CLYBL: variants seen among roughly 807,000 people sequenced by gnomAD.
The protein encoded by CLYBL is citramalyl-CoA lyase.
In CLYBL, 31 loss-of-function variants were observed where a neutral mutation model predicts 38.9. The observed-to-expected ratio is 0.80, with a 90% CI of 0.60 to 1.08. The LOEUF is 1.08. Ranked by LOEUF, CLYBL falls within the 50% of genes least tolerant of loss-of-function variation. The probability of loss-of-function intolerance (pLI) is 0.00; values close to 1 mark genes in which losing one functional copy is unlikely to be tolerated. For synonymous variants in CLYBL, 171 were observed against 158.6 expected (o/e 1.08, Z -0.59); for missense variants, 434 against 411.6 (o/e 1.05, Z -0.47).
chr13:99,624,045 G>A (rs553945009), intron 1 of CLYBL, among the ~76,000 whole-genome samples: 31 of 152,150 alleles, frequency 2.0e-4, no homozygotes, highest in African/African-American at 7.5e-4. Context: ...ATAAACAGTG[G>A]ATGTAAAAAG....
intron 2 of CLYBL, among the ~76,000 whole-genome samples, chr13:99,820,249 A>G (rs1402535079): frequency 6.6e-6 from 1 of 152,190 alleles, no homozygotes. Flanking sequence ...AACATTGCAC[A>G]CGGTCCGCCC....
chr13:99,821,216 T>C lies in CLYBL; in HGVS notation c.250-37645T>C, dbSNP rs117294737. ...GAATACAGGCTCCCACTATCCAAAC[T>C]TACCATTTTCAGGAATGGGTTAGAT... is the stretch of plus-strand genomic sequence containing the variant. On this transcript the variant is annotated intron_variant, in intron 2 of 8. Transcript: ENST00000339105. 3.1e-4 allele frequency among the ~76,000 whole-genome samples: 47 copies of C among 152,264 alleles called. 1 individual carries two copies. In the East Asian group the frequency reaches 9.1e-3, roughly 29 times the overall value.
At chr13:99,765,937 G>C (rs929019894) in intron 1 of CLYBL, among the ~76,000 whole-genome samples, 4 of 148,936 alleles carry the variant, frequency 2.7e-5, no homozygotes, top group East Asian at 2.0e-4. Flanking sequence ...CTGCAGTCTC[G>C]AACTCCTGGG....
At chr13:99,615,791 TA>T (rs2046699515) in intron 1 of CLYBL, among the ~76,000 whole-genome samples, 1 of 152,162 alleles carries the variant, frequency 6.6e-6, no homozygotes, top group Non-Finnish European at 1.5e-5. Flanking sequence ...CTCCCTACCA[TA>T]AACCAGGTTT....
chr13:99,858,992 G>A lies in CLYBL; in HGVS notation c.381G>A (p.Arg127=). The change falls in exon 3 of 9, where the codon CGG becomes CGA. Residue 127 remains arginine, a synonymous_variant. Coordinates refer to ENST00000339105, the MANE Select transcript of CLYBL (RefSeq NM_206808.5). ...EEDLETLLQS[R]VLPSSLMLPK... ...ACCTAGAGACCCTTTTGCAATCCCG[G>A]GTCCTTCCTTCCAGCCTGATGCTAC... 6.2e-7 allele frequency: 1 copy of A among 1,614,046 alleles called. No homozygotes were observed. The highest frequency in any genetic ancestry group is 8.5e-7 in the Non-Finnish European group (1 of 1,179,994).
chr13:99,764,247 G>A (rs2138750136), intron 1 of CLYBL, among the ~76,000 whole-genome samples: 1 of 151,618 alleles, frequency 6.6e-6, no homozygotes, highest in South Asian at 2.1e-4. Flanking sequence ...TTTCTTTTGG[G>A]TAGAGACATG....
chr13:99,609,062 T>C (rs939756198), intron 1 of CLYBL, among the ~76,000 whole-genome samples: 1 of 151,656 alleles, frequency 6.6e-6, no homozygotes, highest in African/African-American at 2.4e-5. Flanking sequence ...TTTCGGAGGC[T>C]CCCATTGCGT....
chr13:99,904,263 A>G (rs1265730389), intron 8 of CLYBL, among the ~76,000 whole-genome samples: 2 of 152,220 alleles, frequency 1.3e-5, no homozygotes, highest in African/African-American at 4.8e-5. Flanking sequence ...TTTGCAGATT[A>G]AAAAGAGAAA....
chr13:99,802,442 A>G (rs981783209), intron 2 of CLYBL, among the ~76,000 whole-genome samples: 4 of 152,166 alleles, frequency 2.6e-5, no homozygotes, highest in Non-Finnish European at 4.4e-5. Context: ...TTAGTTTGAA[A>G]TTCACTTATT....
At chr13:99,655,938 T>A (rs562903198) in intron 1 of CLYBL, among the ~76,000 whole-genome samples, 8 of 152,208 alleles carry the variant, frequency 5.3e-5, no homozygotes, top group African/African-American at 1.9e-4. Flanking sequence ...AGGGCGCACT[T>A]TTCATTTAGT....
intron 2 of CLYBL, among the ~76,000 whole-genome samples, chr13:99,814,634 A>G (rs1433239227): frequency 6.6e-6 from 1 of 151,872 alleles, no homozygotes; most frequent in Non-Finnish European, 1.5e-5. Context: ...AGGCTGAGAC[A>G]GGAGGACTGC....
intron 6 of CLYBL, among the ~76,000 whole-genome samples, chr13:99,867,605 A>T (rs1425320378): frequency 1.3e-5 from 2 of 152,134 alleles, no homozygotes; most frequent in African/African-American, 4.8e-5. Context: ...GCGACTGAGG[A>T]AGAAAGGAGT....
intron 1 of CLYBL, among the ~76,000 whole-genome samples, chr13:99,616,282 C>G (rs2046709430): frequency 6.6e-6 from 1 of 151,474 alleles, no homozygotes; most frequent in Admixed American, 6.6e-5. Flanking sequence ...TCCTCAGTCT[C>G]TAGTAGCTGG....
At chr13:99,801,669 C>A (rs1201324945) in intron 2 of CLYBL, among the ~76,000 whole-genome samples, 1 of 152,186 alleles carries the variant, frequency 6.6e-6, no homozygotes, top group Non-Finnish European at 1.5e-5. Flanking sequence ...CTGTCACTTT[C>A]TGCGTATGCT....
chr13:99,844,418 A>G (rs1318539242), intron 2 of CLYBL, among the ~76,000 whole-genome samples: 1 of 152,224 alleles, frequency 6.6e-6, no homozygotes, highest in East Asian at 1.9e-4. Flanking sequence ...TATTGACATC[A>G]TCGTTATCAG....
At chr13:99,860,000 T>A (rs1339784402) in intron 3 of CLYBL, among the ~76,000 whole-genome samples, 2 of 152,120 alleles carry the variant, frequency 1.3e-5, no homozygotes, top group African/African-American at 4.8e-5. Flanking sequence ...TACCCTGAGT[T>A]GTTGTAACAC....
Position 99,795,203 on chromosome 13 carries a change from A to G in CLYBL, c.249+22193A>G, listed in dbSNP as rs1313667071. 2.2e-4 allele frequency among the ~76,000 whole-genome samples: 34 copies of G among 152,252 alleles called. 1 individual carries two copies. Among genetic ancestry groups the G allele is most frequent in the Admixed American group, 1.8e-3 (27 of 15,290 alleles). ...GTGCTATTTCAAATATGTTTTTGCAATTTCCTCCATGTAATGCAGTTGTGT... is the reference window on the plus strand; with the variant it reads ...GTGCTATTTCAAATATGTTTTTGCAGTTTCCTCCATGTAATGCAGTTGTGT... On this transcript the variant is annotated intron_variant, in intron 2 of 8. Transcript: ENST00000339105.
At chr13:99,812,078 C>T (rs1292068872) in intron 2 of CLYBL, among the ~76,000 whole-genome samples, 4 of 152,174 alleles carry the variant, frequency 2.6e-5, no homozygotes, top group Non-Finnish European at 5.9e-5. Flanking sequence ...CAAAGCCTGA[C>T]CTAAACTGCT....
chr13:99,640,491 GA>G (rs2047077915), intron 1 of CLYBL, among the ~76,000 whole-genome samples: 1 of 152,238 alleles, frequency 6.6e-6, no homozygotes, highest in Admixed American at 6.5e-5. Context: ...TAAAGTGTGA[GA>G]ATGTGGTTTT....
Sources: allele counts gnomAD v4.1 joint callset (sites outside exome capture counted in the v4.1 genomes callset), GRCh38; gene constraint gnomAD v4.1.1; transcripts MANE v1.5; gene names NCBI Gene and HGNC (gene_info 2026-07-23, HGNC 2026-07-21).